The following FBXO31 variants were observed in gnomAD, a reference collection of about 807,000 sequenced individuals.
The protein encoded by FBXO31 is F-box protein 31.
FBXO31 carries 24 observed loss-of-function variants against 54.4 expected under a neutral mutation model. The observed-to-expected ratio is 0.44, with a 90% confidence interval of 0.32 to 0.62. FBXO31 has a LOEUF of 0.62. Among genes scored for constraint, FBXO31 ranks in the 20% least tolerant of loss-of-function variants. The pLI is 0.05. For synonymous variants in FBXO31, 388 were observed against 335.6 expected, an observed-to-expected ratio of 1.16 and a Z score of -1.71; for missense variants, 665 against 787.1, an observed-to-expected ratio of 0.84 and a Z score of 1.86.
chr16:87,333,936 G>A lies in FBXO31; in HGVS notation c.1347C>T (p.Pro449=), dbSNP rs553318316. Residue 449 remains proline, a synonymous_variant, in exon 8 of 9, where the codon CCC becomes CCT. Coordinates refer to ENST00000311635, the MANE Select transcript of FBXO31 (RefSeq NM_024735.5). ...CCTCATTCCTGGAGCTCACGCCCAC[G>A]GGCAGCACGAACGGCTGCCCCTGCC... is the stretch of plus-strand genomic sequence containing the variant. The part of the protein sequence containing the change: ...QCGQGQPFVL[P]VGVSSRNEDY... The A allele has an allele frequency of 1.9e-5, 30 of 1,611,874 alleles. No individual in the cohort carries two copies. The highest frequency in any genetic ancestry group is 5.3e-5 in the African/African-American group (4 of 74,904).
At chr16:87,391,786 G>A (rs959314722), upstream of FBXO31, 6 of 152,354 alleles carry the variant, frequency 3.9e-5, no homozygotes, top group African/African-American at 1.2e-4. Context: ...GCACGCAGAG[G>A]GGGCCAGGGC....
At chr16:87,343,483 C>G in intron 4 of FBXO31, 115 bp downstream of exon 4, 1 of 1,305,170 alleles carries the variant, frequency 7.7e-7, no homozygotes, top group Non-Finnish European at 1.0e-6. Flanking sequence ...CTCCCTCCCA[C>G]CCGCCGATCT....
intron 1 of FBXO31, among the ~76,000 whole-genome samples, chr16:87,382,506 T>C (rs530088287): frequency 5.9e-5 from 9 of 152,322 alleles, no homozygotes; most frequent in African/African-American, 9.6e-5. Flanking sequence ...CATCTCCTCC[T>C]GTGATCTGTT....
intron 2 of FBXO31, among the ~76,000 whole-genome samples, chr16:87,353,864 T>C (rs1869316509): frequency 6.6e-6 from 1 of 152,244 alleles, no homozygotes; most frequent in African/African-American, 2.4e-5. Context: ...AGTGGGTTTC[T>C]GTTATTTTAG....
chr16:87,357,136 T>C (rs530883972), intron 2 of FBXO31, among the ~76,000 whole-genome samples: 277 of 151,902 alleles, frequency 1.8e-3, no homozygotes, highest in Non-Finnish European at 2.9e-3. Flanking sequence ...TCCCAGCTAC[T>C]AGGGAGGCTG....
At chr16:87,352,777 G>A (rs1905719788) in intron 2 of FBXO31, among the ~76,000 whole-genome samples, 1 of 152,200 alleles carries the variant, frequency 6.6e-6, no homozygotes, top group Non-Finnish European at 1.5e-5. Flanking sequence ...TCTGCCCTGG[G>A]AGCCCCGGCA....
chr16:87,377,804 G>C (rs1906888549), intron 1 of FBXO31, among the ~76,000 whole-genome samples: 1 of 151,656 alleles, frequency 6.6e-6, no homozygotes, highest in African/African-American at 2.4e-5. Flanking sequence ...ACTCTAGCCT[G>C]GGTGACAGAA....
At chr16:87,352,988 A>AT (rs2150681140) in intron 2 of FBXO31, among the ~76,000 whole-genome samples, 1 of 152,018 alleles carries the variant, frequency 6.6e-6, no homozygotes, top group East Asian at 1.9e-4. Context: ...GGGGATGGAG[A>AT]TTTTGTGGGT....
chr16:87,343,592 A>G lies in FBXO31; in HGVS notation c.657+6T>C. ...AGTGAGGACCCAGCCCCGCCGCTGC[A>G]CACACCTGGATGTGGCCGTGGTGGG... On this transcript the variant is annotated splice_donor_region_variant and intron_variant, in intron 4 of 8. Transcript: ENST00000311635. 3.1e-6 allele frequency: 5 copies of G among 1,602,538 alleles called. No individual in the cohort carries two copies. The highest frequency in any genetic ancestry group is 4.3e-6 in the Non-Finnish European group (5 of 1,174,760).
chr16:87,391,474 C>T (rs11117269), upstream of FBXO31: 53,001 of 152,146 alleles, frequency 0.35, 12,421 homozygotes, highest in Non-Finnish European at 0.54. Context: ...CAAAAACTGT[C>T]ACTAGCGTAA....
At chr16:87,371,893 TA>T (rs1029403295) in intron 1 of FBXO31, among the ~76,000 whole-genome samples, 1 of 151,550 alleles carries the variant, frequency 6.6e-6, no homozygotes, top group African/African-American at 2.4e-5. Context: ...CTTTTGTTTT[TA>T]AATTTTTTTT....
rs1290849703 is a variant in FBXO31, at chr16:87,346,642, G to A, written c.489+532C>T. Among the ~76,000 whole-genome samples the A allele has an allele frequency of 6.6e-6, 1 of 152,188 alleles. No homozygotes were observed. The highest frequency in any genetic ancestry group is 1.9e-4 in the East Asian group (1 of 5,184). On this transcript the variant is annotated intron_variant, in intron 3 of 8. Transcript: ENST00000311635. This position sits in a 1 kb window ranked among gnomAD's most constrained non-coding sequence, Gnocchi z 4.2. ...ACCAGCCTGGACTTCCGCCTGCAAC[G>A]TTCTAGCACTTTCTAGCAGGGGCCA...
intron 5 of FBXO31, among the ~76,000 whole-genome samples, chr16:87,339,540 G>A (rs1398647940): frequency 6.6e-6 from 1 of 152,190 alleles, no homozygotes; most frequent in African/African-American, 2.4e-5. Flanking sequence ...GAGGATAGGT[G>A]GTACAGCACC....
chr16:87,373,074 C>G (rs902172113), intron 1 of FBXO31, among the ~76,000 whole-genome samples: 4 of 146,930 alleles, frequency 2.7e-5, no homozygotes, highest in African/African-American at 1.0e-4. Flanking sequence ...CCAGGCTGGT[C>G]TCCAACTCCT....
intron 2 of FBXO31, among the ~76,000 whole-genome samples, chr16:87,347,680 CAAAAAAAA>C (rs34496343): frequency 1.7e-5 from 1 of 58,994 alleles, no homozygotes; most frequent in South Asian, 5.7e-4. Context: ...ACTCAGTCTC[CAAAAAAAA>C]AAAAAAAAAA....
Position 87,347,180 on chromosome 16 carries a change from G to C in FBXO31, c.483C>G (p.Asn161Lys). ...PDIGPYGGLLNVVVDGLFIIG... is the reference protein window; with the variant it reads ...PDIGPYGGLLKVVVDGLFIIG... Reference sequence around the variant, plus strand: ...GCGAGGCTCCGGGACTTACCACCACGTTCAGCAGTCCTCCGTATGGCCCGA... The same window carrying C: ...GCGAGGCTCCGGGACTTACCACCACCTTCAGCAGTCCTCCGTATGGCCCGA... Residue 161 changes from asparagine to lysine, a missense_variant, in exon 3 of 9, where the codon AAC becomes AAG. Around this residue, in one of 4 missense-constraint regions of FBXO31, gnomAD observed 234 missense variants for 346.8 expected, o/e 0.67. Transcript: ENST00000311635. 6.2e-7 allele frequency: 1 copy of C among 1,614,018 alleles called. No homozygotes were observed. The highest frequency in any genetic ancestry group is 8.5e-7 in the Non-Finnish European group (1 of 1,179,940).
At chr16:87,364,435 G>A (rs188384144) in intron 1 of FBXO31, among the ~76,000 whole-genome samples, 11 of 152,330 alleles carry the variant, frequency 7.2e-5, no homozygotes, top group South Asian at 6.2e-4. Flanking sequence ...GCACCAGGAC[G>A]CAGCCAGACC....
rs541819108 is a variant in FBXO31 at position 87,364,449 on chromosome 16, G to GC, written c.341-4084dup. ...TGCACCAGGACGCAGCCAGACCTGG[G>GC]CCAGTTCGCGCCGACTCTTCTCCAT... On this transcript the variant is annotated intron_variant, in intron 1 of 8. Transcript: ENST00000311635. Among the ~76,000 whole-genome samples, 36 of 152,346 alleles carry GC rather than the reference G, an allele frequency of 2.4e-4. No individual in the cohort carries two copies. The East Asian group carries it at 6.4e-3, about 27-fold the overall frequency.
At chr16:87,356,226 C>T (rs1296160934) in intron 2 of FBXO31, among the ~76,000 whole-genome samples, 2 of 142,082 alleles carry the variant, frequency 1.4e-5, no homozygotes, top group Non-Finnish European at 3.0e-5. Flanking sequence ...GAGACTCCAT[C>T]TCAAAAAAAA....
Sources: gnomAD v4.1 joint callset for allele counts (sites outside exome capture counted in the v4.1 genomes callset) on GRCh38, gnomAD v4.1.1 for gene constraint, gnomAD v4.1.1 regional missense constraint, Gnocchi (gnomAD v3.1) non-coding constraint, MANE v1.5 for transcripts, NCBI Gene and HGNC (gene_info 2026-07-23, HGNC 2026-07-21) for gene names.